EXOSC4: variants seen among roughly 807,000 people sequenced by gnomAD.
EXOSC4 encodes exosome complex component RRP41.
EXOSC4 carries 14 observed loss-of-function variants against 20.0 expected under a neutral mutation model. The observed-to-expected ratio is 0.70, with a 90% CI of 0.46 to 1.09. The LOEUF is 1.09. Ranked by LOEUF, EXOSC4 falls within the 50% of genes least tolerant of loss-of-function variation. EXOSC4 has a pLI of 0.00. For synonymous variants in EXOSC4, 148 were observed against 146.4 expected (o/e 1.01, Z -0.08); for missense variants, 337 against 334.0 (o/e 1.01, Z -0.07).
the EXOSC4 span, among the ~76,000 whole-genome samples, chr8:144,068,764 G>C: frequency 6.6e-6 from 1 of 152,244 alleles, no homozygotes; most frequent in East Asian, 1.9e-4. Context: ...AGGTGCAGCT[G>C]AGGACACGGG....
upstream of EXOSC4, among the ~76,000 whole-genome samples, chr8:144,074,145 C>A (rs1178445216): frequency 6.6e-6 from 1 of 152,172 alleles, no homozygotes; most frequent in African/African-American, 2.4e-5. Flanking sequence ...CGGCTTGGGC[C>A]CCAACAAAGT....
rs1346491463 is a variant in EXOSC4, at chr8:144,080,325, A to G, written c.462A>G (p.Arg154=). 1 of 1,613,536 alleles carries G rather than the reference A, an allele frequency of 6.2e-7. No individual in the cohort carries two copies. The highest frequency in any genetic ancestry group is 1.3e-5 in the African/African-American group (1 of 74,892). ...LAVLDAGIPM[R]DFVCACSAGF... is the part of the protein sequence containing the mutation. ...TGCTGGATGCCGGGATACCCATGAG[A>G]GACTTTGTGTGTGCGTGCTCAGCTG... Residue 154 remains arginine (R), a synonymous_variant, in exon 3 of 3, where the codon AGA becomes AGG. Coordinates refer to ENST00000316052, the MANE Select transcript of EXOSC4 (RefSeq NM_019037.3). This position sits in a 1 kb window ranked among gnomAD's most constrained non-coding sequence, Gnocchi z 4.9.
At chr8:144,079,411 T>C in intron 1 of EXOSC4, 1 of 256,438 alleles carries the variant, frequency 3.9e-6, no homozygotes, top group South Asian at 4.1e-5. Context: ...GCGAAGGTAT[T>C]GAAAGAGTGT....
chr8:144,076,276 T>C (rs2129913631), upstream of EXOSC4, among the ~76,000 whole-genome samples: 1 of 152,332 alleles, frequency 6.6e-6, no homozygotes, highest in East Asian at 1.9e-4. Flanking sequence ...CCTGATTTCC[T>C]GTGGAATTCA....
chr8:144,079,995 A>T lies in EXOSC4; in HGVS notation c.224A>T (p.Gln75Leu). Residue 75 changes from glutamine (Q) to leucine (L), a missense_variant, in exon 2 of 3, where the codon CAA becomes CTA. By Grantham distance (113) the Gln-to-Leu change is moderately radical. Transcript: ENST00000316052. ...ALPDRALVNC[Q>L]YSSATFSTGE... is the part of the protein sequence containing the mutation. ...CCGGACAGGGCCCTAGTGAACTGTC[A>T]ATATAGTTCAGCGACCTTCAGCACA... 6.2e-7 allele frequency: 1 copy of T among 1,614,072 alleles called. No individual in the cohort carries two copies. The highest frequency in any genetic ancestry group is 1.1e-5 in the South Asian group (1 of 91,086).
chr8:144,066,319 C>T, the EXOSC4 span, among the ~76,000 whole-genome samples: 3 of 151,506 alleles, frequency 2.0e-5, no homozygotes, highest in East Asian at 3.9e-4. Context: ...GCACCTGGCC[C>T]GGGGTCTCAC....
the EXOSC4 span, among the ~76,000 whole-genome samples, chr8:144,065,043 C>T: frequency 2.6e-5 from 4 of 151,936 alleles, no homozygotes; most frequent in South Asian, 8.3e-4. Flanking sequence ...GTCGGGGTTT[C>T]ACTGTGTTAG....
upstream of EXOSC4, chr8:144,078,625 G>A (rs76352871): frequency 8.8e-6 from 11 of 1,250,048 alleles, no homozygotes; most frequent in East Asian, 2.5e-4. The surrounding 1 kb of genome is among the most constrained non-coding windows in gnomAD (Gnocchi z 4.7). Flanking sequence ...AGTGATGGCG[G>A]ACCTCCGGAA....
chr8:144,071,747 C>T, the EXOSC4 span, among the ~76,000 whole-genome samples: 242 of 151,950 alleles, frequency 1.6e-3, no homozygotes, highest in African/African-American at 5.5e-3. Context: ...GAGGCCAAGG[C>T]GGGAGGATCA....
rs1587586834 is a variant in EXOSC4, at chr8:144,079,128, C to T, written c.171+229C>T. On this transcript the variant is annotated intron_variant, in intron 1 of 2. Coordinates refer to ENST00000316052, the MANE Select transcript of EXOSC4 (RefSeq NM_019037.3). Reference sequence around the variant, plus strand: ...CCTGCGCCCTCCTTCCTCTTTGCGGCTCTTCAACGTGCTAGGCACTCCCCC... The same window carrying T: ...CCTGCGCCCTCCTTCCTCTTTGCGGTTCTTCAACGTGCTAGGCACTCCCCC... The T allele has an allele frequency of 1.1e-5, 5 of 440,226 alleles. No homozygotes were observed. The East Asian group carries it at 1.5e-4, about 13-fold the overall frequency. 27.3% of individuals were successfully genotyped at this position (440,226 alleles called of 1,614,324 possible).
upstream of EXOSC4, among the ~76,000 whole-genome samples, chr8:144,074,244 GCCATCAGTTACCC>G (rs536574106): frequency 1.4e-4 from 21 of 152,278 alleles, no homozygotes; most frequent in African/African-American, 4.1e-4. Context: ...CCTGCAACCT[GCCATCAGTTACCC>G]CCATCAGTTA....
chr8:144,065,535 C>T, the EXOSC4 span, among the ~76,000 whole-genome samples: 1 of 151,862 alleles, frequency 6.6e-6, no homozygotes, highest in Admixed American at 6.6e-5. Flanking sequence ...TCGAGACCAA[C>T]CTGGCCAACA....
chr8:144,075,001 T>C (rs1002935614), upstream of EXOSC4, among the ~76,000 whole-genome samples: 1 of 152,228 alleles, frequency 6.6e-6, no homozygotes, highest in Non-Finnish European at 1.5e-5. Context: ...TAATTATTAG[T>C]AATAAAATTA....
In EXOSC4 at chr8:144,080,183, A is replaced by C; in HGVS notation, c.378+34A>C. ...GCTGCAGCCGTCAATCCAGGGAGGGAAGGGTGTGATGGGGTTGGGGAGGGA... is the reference window on the plus strand; with the variant it reads ...GCTGCAGCCGTCAATCCAGGGAGGGCAGGGTGTGATGGGGTTGGGGAGGGA... On this transcript the variant is annotated intron_variant, in intron 2 of 2. Transcript: ENST00000316052. This position sits in a 1 kb window ranked among gnomAD's most constrained non-coding sequence, Gnocchi z 4.9. 5 of 1,608,138 alleles carry C rather than the reference A, an allele frequency of 3.1e-6. No individual in the cohort carries two copies. The highest frequency in any genetic ancestry group is 4.3e-6 in the Non-Finnish European group (5 of 1,175,768).
Position 144,078,852 on chromosome 8 carries a change from G to A in EXOSC4, c.124G>A (p.Glu42Lys). Residue 42 changes from glutamate to lysine, a missense_variant, in exon 1 of 3, where the codon GAG becomes AAG. Coordinates refer to ENST00000316052, the MANE Select transcript of EXOSC4 (RefSeq NM_019037.3). The surrounding 1 kb of genome is among the most constrained non-coding windows in gnomAD (Gnocchi z 4.7). ...GCAGGCTGACGGCTCGGCCTACATT[G>A]AGCAGGGCAACACCAAGGCACTGGC... ...FAQADGSAYI[E>K]QGNTKALAVV... is the part of the protein sequence containing the mutation. 6.4e-7 allele frequency: 1 copy of A among 1,572,816 alleles called. No individual in the cohort carries two copies. Among genetic ancestry groups the A allele is most frequent in the Middle Eastern group, 1.7e-4 (1 of 5,952 alleles).
upstream of EXOSC4, among the ~76,000 whole-genome samples, chr8:144,077,251 A>G (rs1554762867): frequency 6.6e-6 from 1 of 152,202 alleles, no homozygotes; most frequent in African/African-American, 2.4e-5. Context: ...CTCAAAAAAC[A>G]AAACAAAACA....
the EXOSC4 span, among the ~76,000 whole-genome samples, chr8:144,065,606 G>A: frequency 6.6e-6 from 1 of 151,734 alleles, no homozygotes; most frequent in Non-Finnish European, 1.5e-5. Flanking sequence ...GCGATGGCAG[G>A]CACCTGTAAT....
At chr8:144,068,025 G>A in the EXOSC4 span, among the ~76,000 whole-genome samples, 1 of 152,186 alleles carries the variant, frequency 6.6e-6, no homozygotes, top group East Asian at 1.9e-4. Context: ...CGGCTATGGA[G>A]GAAGCACAGG....
In EXOSC4 at chr8:144,080,375, C is replaced by T. The variant is rs377151990; in HGVS notation, c.512C>T (p.Ala171Val). 3.0e-5 allele frequency: 48 copies of T among 1,612,158 alleles called. No individual in the cohort carries two copies. Among genetic ancestry groups the T allele is most frequent in the Non-Finnish European group, 3.7e-5 (44 of 1,180,022 alleles). The change falls in exon 3 of 3, where the codon GCG becomes GTG. Residue 171 changes from alanine to valine, a missense_variant. Ala to Val is a moderately conservative substitution (Grantham distance 64, BLOSUM62 0). Transcript: ENST00000316052. The surrounding 1 kb of genome is among the most constrained non-coding windows in gnomAD (Gnocchi z 4.9). ...SAGFVDGTALADLSHVEEAAG... is the reference protein window; with the variant it reads ...SAGFVDGTALVDLSHVEEAAG... The stretch of plus-strand genomic sequence containing the variant: ...GGCTTCGTGGACGGCACAGCCCTGG[C>T]GGACCTCAGCCATGTGGAGGAAGCA...
Sources: allele counts gnomAD v4.1 joint callset (sites outside exome capture counted in the v4.1 genomes callset), GRCh38; gene constraint gnomAD v4.1.1; non-coding constraint Gnocchi (gnomAD v3.1); transcripts MANE v1.5; gene names NCBI Gene and HGNC (gene_info 2026-07-23, HGNC 2026-07-21).